Variants in LRRTM4 observed in about 807,000 individuals in gnomAD.
LRRTM4 encodes the protein leucine-rich repeat transmembrane neuronal protein 4.
LRRTM4 carries 25 observed loss-of-function variants against 47.6 expected under a neutral mutation model. The ratio of observed to expected loss-of-function variants is 0.53; its 90% confidence interval spans 0.38 to 0.73. The LOEUF (loss-of-function observed/expected upper bound fraction) is 0.73, where lower values mean the gene tolerates loss of function less well. Among genes scored for constraint, LRRTM4 ranks in the 30% least tolerant of loss-of-function variants. The pLI is 0.00. For missense variants in LRRTM4, 638 were observed against 713.4 expected, an observed-to-expected ratio of 0.89 and a Z score of 1.20; for synonymous variants, 311 against 269.5, an observed-to-expected ratio of 1.15 and a Z score of -1.51.
chr2:76,803,545 C>CAA (rs1212895266), intron 3 of LRRTM4, among the ~76,000 whole-genome samples: 1 of 152,022 alleles, frequency 6.6e-6, no homozygotes, highest in Non-Finnish European at 1.5e-5. Context: ...AGAGGTTTCT[C>CAA]AAAAAATTAA....
chr2:77,052,126 C>CAA (rs375571418), intron 3 of LRRTM4, among the ~76,000 whole-genome samples: 4 of 108,272 alleles, frequency 3.7e-5, no homozygotes, highest in African/African-American at 1.1e-4. Flanking sequence ...AAAAGGAATG[C>CAA]AAAAAAAAAT....
chr2:77,434,366 C>G (rs964513635), intron 3 of LRRTM4, among the ~76,000 whole-genome samples: 13 of 151,812 alleles, frequency 8.6e-5, no homozygotes, highest in African/African-American at 2.9e-4. Context: ...AACCCAGCCA[C>G]CTTTCATGGG....
At chr2:77,332,236 T>A (rs76234045) in intron 3 of LRRTM4, among the ~76,000 whole-genome samples, 1,549 of 152,200 alleles carry the variant, frequency 0.01, 36 homozygotes, top group African/African-American at 0.036. Flanking sequence ...CAACAGGACT[T>A]GGACAATGGG....
intron 3 of LRRTM4, among the ~76,000 whole-genome samples, chr2:76,857,653 T>C (rs1335023025): frequency 6.6e-6 from 1 of 152,142 alleles, no homozygotes; most frequent in African/African-American, 2.4e-5. Flanking sequence ...ATGTCCTGCA[T>C]AATTGTTTAT....
intron 3 of LRRTM4, among the ~76,000 whole-genome samples, chr2:76,913,557 T>TTTTTTTTTTTTTTTTA (rs1490535283): frequency 6.7e-6 from 1 of 150,304 alleles, no homozygotes; most frequent in African/African-American, 2.5e-5. Flanking sequence ...TTTTTTTTTT[T>TTTTTTTTTTTTTTTTA]GAGACAGAGT....
intron 3 of LRRTM4, among the ~76,000 whole-genome samples, chr2:77,098,545 G>A (rs1481601057): frequency 1.3e-5 from 2 of 151,934 alleles, no homozygotes; most frequent in Non-Finnish European, 2.9e-5. Flanking sequence ...TTTAAAATTG[G>A]TAGGAATAAA....
intron 3 of LRRTM4, among the ~76,000 whole-genome samples, chr2:77,298,502 G>T (rs1677037845): frequency 6.6e-6 from 1 of 152,168 alleles, no homozygotes; most frequent in African/African-American, 2.4e-5. Context: ...CTCCCAAAGT[G>T]CTGGGATTAC....
At position 77,297,280 on chromosome 2, in the gene LRRTM4, A is replaced by T. The variant is rs141468007; in HGVS notation, c.1551+221038T>A. 1.7e-3 allele frequency among the ~76,000 whole-genome samples: 261 copies of T among 152,282 alleles called. 4 individuals carry two copies. Among genetic ancestry groups the T allele is most frequent in the Non-Finnish European group, 2.1e-4 (14 of 68,016 alleles). ...AATTTTCCTCCTTTATGAATTTTAT[A>T]TCATAGTAAAAATAATTGACTATTT... On this transcript the variant is annotated intron_variant, in intron 3 of 3. Transcript: ENST00000409884.
chr2:77,349,334 T>TA (rs143203194), intron 3 of LRRTM4, among the ~76,000 whole-genome samples: 9,738 of 146,168 alleles, frequency 0.067, 394 homozygotes, highest in Middle Eastern at 0.13. Context: ...ACAACAACAA[T>TA]AAAAAAAAAA....
chr2:77,328,427 G>A (rs1670859055), intron 3 of LRRTM4, among the ~76,000 whole-genome samples: 2 of 152,140 alleles, frequency 1.3e-5, no homozygotes, highest in African/African-American at 4.8e-5. Flanking sequence ...TTACAACTGT[G>A]TAGTTGAAAA....
At chr2:77,000,769 A>G (rs891881365) in intron 3 of LRRTM4, among the ~76,000 whole-genome samples, 17 of 151,986 alleles carry the variant, frequency 1.1e-4, no homozygotes, top group African/African-American at 3.9e-4. Flanking sequence ...CATAACTATT[A>G]TTTAGATTCT....
intron 3 of LRRTM4, among the ~76,000 whole-genome samples, chr2:76,855,069 T>A (rs1377457818): frequency 6.6e-6 from 1 of 152,058 alleles, no homozygotes; most frequent in East Asian, 1.9e-4. Context: ...AGAGAAGAAA[T>A]GTTTCACTAA....
At chr2:77,320,342 A>G (rs913754271) in intron 3 of LRRTM4, among the ~76,000 whole-genome samples, 1 of 152,108 alleles carries the variant, frequency 6.6e-6, no homozygotes, top group Non-Finnish European at 1.5e-5. Flanking sequence ...TCTCACCCAC[A>G]CCCTTAATTT....
At chr2:77,417,763 T>C (rs935572329) in intron 3 of LRRTM4, among the ~76,000 whole-genome samples, 3 of 141,752 alleles carry the variant, frequency 2.1e-5, no homozygotes, top group Non-Finnish European at 4.5e-5. Flanking sequence ...GGGCCTGTTG[T>C]TGGGGGGGAA....
At chr2:77,466,254 C>T (rs563968854) in intron 3 of LRRTM4, among the ~76,000 whole-genome samples, 124 of 152,296 alleles carry the variant, frequency 8.1e-4, no homozygotes, top group African/African-American at 2.8e-3. Context: ...AACTCTGTTT[C>T]TGCAGAATTC....
chr2:77,418,895 T>A (rs1479164732), intron 3 of LRRTM4, among the ~76,000 whole-genome samples: 2 of 152,210 alleles, frequency 1.3e-5, no homozygotes, highest in African/African-American at 4.8e-5. Flanking sequence ...ATTTACAGGC[T>A]TCCACTATAC....
At chr2:77,420,942 A>G (rs1435868559) in intron 3 of LRRTM4, among the ~76,000 whole-genome samples, 1 of 149,548 alleles carries the variant, frequency 6.7e-6, no homozygotes, top group Admixed American at 6.7e-5. Flanking sequence ...ATATTCTCTG[A>G]ATTATATTTC....
intron 2 of LRRTM4, among the ~76,000 whole-genome samples, chr2:77,520,699 C>T (rs950282499): frequency 3.9e-5 from 6 of 152,024 alleles, no homozygotes; most frequent in African/African-American, 1.4e-4. Flanking sequence ...GAAGGATAAA[C>T]AAGGAAAGAA....
intron 3 of LRRTM4, among the ~76,000 whole-genome samples, chr2:77,461,297 G>A (rs770634291): frequency 2.0e-5 from 3 of 151,962 alleles, no homozygotes; most frequent in South Asian, 2.1e-4. Flanking sequence ...TTTACTTTCT[G>A]GTTATTGTAC....
Sources: gnomAD v4.1 joint callset for allele counts (sites outside exome capture counted in the v4.1 genomes callset) on GRCh38, gnomAD v4.1.1 for gene constraint, MANE v1.5 for transcripts, NCBI Gene and HGNC (gene_info 2026-07-23, HGNC 2026-07-21) for gene names.